ZNF25: variants seen among roughly 807,000 people sequenced by gnomAD.
The protein encoded by ZNF25 is zinc finger protein 25 (KOX 19).
Under a neutral mutation model 30.9 loss-of-function variants are expected in ZNF25, and 21 were observed. The observed-to-expected ratio is 0.68, with a 90% CI of 0.48 to 0.98. The LOEUF is 0.98. Ranked by LOEUF, ZNF25 falls within the 50% of genes least tolerant of loss-of-function variation. The pLI, the probability that ZNF25 is intolerant of heterozygous loss-of-function variation, is 0.00. For missense variants in ZNF25, 501 were observed against 529.9 expected (o/e 0.95, Z 0.54); for synonymous variants, 169 against 181.3 (o/e 0.93, Z 0.55).
chr10:37,957,003 A>G lies in ZNF25; in HGVS notation c.238+17T>C. 6.2e-7 allele frequency: 1 copy of G among 1,603,658 alleles called. No individual in the cohort carries two copies. The highest frequency in any genetic ancestry group is 8.5e-7 in the Non-Finnish European group (1 of 1,170,818). On this transcript the variant is annotated intron_variant, in intron 4 of 5. Coordinates refer to ENST00000302609, the MANE Select transcript of ZNF25 (RefSeq NM_145011.4). ...ACTACTCACCAGTAACATGGGATAT[A>G]ATTTCTTCTAACTCACCAGGGAAGC...
intron 2 of ZNF25, among the ~76,000 whole-genome samples, chr10:37,968,504 C>T (rs1002133581): frequency 3.3e-5 from 5 of 152,080 alleles, no homozygotes; most frequent in African/African-American, 7.2e-5. Flanking sequence ...TACCTGTGTG[C>T]ACCACCAAGC....
chr10:37,952,135 C>G lies in ZNF25; in HGVS notation c.1363G>C (p.Glu455Gln), dbSNP rs201421429. The change falls in exon 6 of 6, where the codon GAG (glutamate) becomes CAG (glutamine). Residue 455 changes from glutamate to glutamine, a missense_variant. Physicochemically the swap from Glu to Gln is conservative, Grantham distance 29 (BLOSUM62 2). Coordinates refer to ENST00000302609, the MANE Select transcript of ZNF25 (RefSeq NM_145011.4). ...GAATTTCCCAACTCATCTTACTTCT[C>G]AGCATTCCTCTTCTTTGTGTGTGTC... Reference protein sequence around the residue: ...QKTHTKKRNAEK With the variant: ...QKTHTKKRNAQK The G allele has an allele frequency of 4.0e-5, 63 of 1,558,634 alleles. No homozygotes were observed. Among genetic ancestry groups the G allele is most frequent in the Non-Finnish European group, 2.9e-5 (34 of 1,155,270 alleles).
intron 2 of ZNF25, among the ~76,000 whole-genome samples, chr10:37,967,660 G>A (rs1303530630): frequency 1.3e-5 from 2 of 152,022 alleles, no homozygotes; most frequent in Admixed American, 6.6e-5. Flanking sequence ...TGCCCACTTC[G>A]GTCACCTAAA....
intron 4 of ZNF25, among the ~76,000 whole-genome samples, chr10:37,955,284 A>C (rs2062449357): frequency 6.6e-6 from 1 of 152,190 alleles, no homozygotes. Context: ...CCTGACAAAA[A>C]ATTCATTTAA....
rs920717250 is a variant in ZNF25, at chr10:37,950,170, G to C, written c.*1957C>G. On this transcript the variant is annotated 3_prime_UTR_variant, in exon 6 of 6. Transcript: ENST00000302609. The stretch of plus-strand genomic sequence containing the variant: ...TTACTTTGTAAAGTGCTAGATCTTA[G>C]GCTCAAGGGCATGTGGTGTCTGCTA... 6.6e-6 allele frequency: 1 copy of C among 152,560 alleles called. No individual in the cohort carries two copies. The highest frequency in any genetic ancestry group is 1.5e-5 in the Non-Finnish European group (1 of 68,030). The allele number at this position is 152,560 out of a possible 1,614,324, so 9.5% of individuals were successfully genotyped here.
chr10:37,955,151 A>AT (rs2062439849), intron 4 of ZNF25, among the ~76,000 whole-genome samples: 1 of 146,616 alleles, frequency 6.8e-6, no homozygotes, highest in Admixed American at 6.8e-5. Context: ...GAGACTCCAT[A>AT]TAAAAAAAAA....
At chr10:37,969,545 G>A (rs1292119173) in intron 2 of ZNF25, among the ~76,000 whole-genome samples, 1 of 152,168 alleles carries the variant, frequency 6.6e-6, no homozygotes, top group Non-Finnish European at 1.5e-5. Context: ...TCACTTACAC[G>A]AAATATCTAG....
At position 37,952,031 on chromosome 10, in the gene ZNF25, T is replaced by C; in HGVS notation, c.*96A>G. The C allele has an allele frequency of 8.6e-7, 1 of 1,156,656 alleles. No individual in the cohort carries two copies. Among genetic ancestry groups the C allele is most frequent in the Non-Finnish European group, 1.2e-6 (1 of 828,796 alleles). 71.6% of individuals were successfully genotyped at this position (1,156,656 alleles called of 1,614,324 possible). ...AGAGCAAAGATTGTAGCTGAAAATT[T>C]CCCTCTATTGATGCGATTCATAAGG... On this transcript the variant is annotated 3_prime_UTR_variant, in exon 6 of 6. Transcript: ENST00000302609.
chr10:37,970,328 T>G (rs935600960), intron 2 of ZNF25, among the ~76,000 whole-genome samples: 1 of 152,094 alleles, frequency 6.6e-6, no homozygotes, highest in Non-Finnish European at 1.5e-5. Context: ...CATTTGAACA[T>G]CAATCAGTGC....
intron 4 of ZNF25, among the ~76,000 whole-genome samples, chr10:37,955,444 T>C (rs2062457748): frequency 1.3e-5 from 2 of 152,150 alleles, no homozygotes; most frequent in Admixed American, 1.3e-4. Flanking sequence ...AAATCAACAA[T>C]TTTTGTTTTG....
intron 2 of ZNF25, among the ~76,000 whole-genome samples, chr10:37,958,950 G>A (rs2062696333): frequency 1.3e-5 from 2 of 152,234 alleles, no homozygotes; most frequent in Middle Eastern, 3.2e-3. Flanking sequence ...TCAGGAAGCT[G>A]AGCCAAGAGA....
At chr10:37,954,682 C>T (rs753960204) in intron 4 of ZNF25, among the ~76,000 whole-genome samples, 9 of 152,160 alleles carry the variant, frequency 5.9e-5, no homozygotes, top group Admixed American at 1.3e-4. Context: ...AATTATTGAA[C>T]ATCATTCTAG....
intron 2 of ZNF25, among the ~76,000 whole-genome samples, chr10:37,967,295 A>G (rs2135413479): frequency 6.6e-6 from 1 of 152,348 alleles, no homozygotes; most frequent in Non-Finnish European, 1.5e-5. Context: ...TCACAATTTC[A>G]AAACTTACTG....
Position 37,952,495 on chromosome 10 carries a change from T to C in ZNF25, c.1003A>G (p.Thr335Ala). The C allele has an allele frequency of 1.2e-6, 2 of 1,614,038 alleles. No homozygotes were observed. Among genetic ancestry groups the C allele is most frequent in the Non-Finnish European group, 1.7e-6 (2 of 1,179,958 alleles). The stretch of plus-strand genomic sequence containing the variant: ...TCAAAGGGTTTCTCCCCTGTGTGAG[T>C]TCGCTGATGTACTGTGAGGGCTGAC... The part of the protein sequence containing the change: ...QKSALTVHQR[T>A]HTGEKPFECN... Residue 335 changes from threonine to alanine, a missense_variant, in exon 6 of 6, where the codon ACT (threonine) becomes GCT (alanine). Coordinates refer to ENST00000302609, the MANE Select transcript of ZNF25 (RefSeq NM_145011.4).
In ZNF25 at chr10:37,952,436, T is replaced by C; in HGVS notation, c.1062A>G (p.Lys354=). ...TTCTCTGATGTTTAGTGAGGTCTGA[T>C]TTATAGTAAAATGTTTTCCCACATT... is the stretch of plus-strand genomic sequence containing the variant. ...CNKCGKTFYY[K]SDLTKHQRKH... The change falls in exon 6 of 6, where the codon AAA becomes AAG. Residue 354 remains lysine (K), a synonymous_variant. Transcript: ENST00000302609. 1 of 1,613,176 alleles carries C rather than the reference T, an allele frequency of 6.2e-7. No homozygotes were observed. The highest frequency in any genetic ancestry group is 1.1e-5 in the South Asian group (1 of 90,996).
At position 37,968,826 on chromosome 10, in the gene ZNF25, T is replaced by C. The variant is rs766038834; in HGVS notation, c.15+2882A>G. On this transcript the variant is annotated intron_variant, in intron 2 of 5. Coordinates refer to ENST00000302609, the MANE Select transcript of ZNF25 (RefSeq NM_145011.4). Reference sequence around the variant, plus strand: ...GATTGAAAATGTAGTATTTGCAAGATTGGAAACCCACACATATGGAGGGCC... The same window carrying C: ...GATTGAAAATGTAGTATTTGCAAGACTGGAAACCCACACATATGGAGGGCC... Among the ~76,000 whole-genome samples, 4 of 152,120 alleles carry C rather than the reference T, an allele frequency of 2.6e-5. No individual in the cohort carries two copies. The South Asian group carries it at 6.2e-4, about 24-fold the overall frequency.
intron 2 of ZNF25, among the ~76,000 whole-genome samples, chr10:37,961,373 G>C (rs555378055): frequency 1.0e-3 from 153 of 152,030 alleles, no homozygotes; most frequent in Admixed American, 2.1e-3. Flanking sequence ...AGAGGGTAAG[G>C]ACAAAACTGA....
At chr10:37,971,332 AT>A (rs1564799868) in intron 2 of ZNF25, among the ~76,000 whole-genome samples, 1 of 146,688 alleles carries the variant, frequency 6.8e-6, no homozygotes, top group Non-Finnish European at 1.5e-5. Flanking sequence ...AAAAAAAAAA[AT>A]TCACATTTGT....
At position 37,949,744 on chromosome 10, in the gene ZNF25, G is replaced by T. The variant is rs1264862230; in HGVS notation, c.*2383C>A. Reference sequence around the variant, plus strand: ...TTATTGGGTTACGTTAGCTAAGTATGACTTACCAATGGTATCTTATGGGAT... The same window carrying T: ...TTATTGGGTTACGTTAGCTAAGTATTACTTACCAATGGTATCTTATGGGAT... On this transcript the variant is annotated 3_prime_UTR_variant, in exon 6 of 6. Coordinates refer to ENST00000302609, the MANE Select transcript of ZNF25 (RefSeq NM_145011.4). 6.6e-6 allele frequency: 1 copy of T among 152,530 alleles called. No homozygotes were observed. Among genetic ancestry groups the T allele is most frequent in the Non-Finnish European group, 1.5e-5 (1 of 68,046 alleles). The allele number at this position is 152,530 out of a possible 1,614,324, so 9.4% of individuals were successfully genotyped here.
Sources: allele counts gnomAD v4.1 joint callset (sites outside exome capture counted in the v4.1 genomes callset), GRCh38; gene constraint gnomAD v4.1.1; transcripts MANE v1.5; gene names NCBI Gene and HGNC (gene_info 2026-07-23, HGNC 2026-07-21).